KANK1: variants seen among roughly 807,000 people sequenced by gnomAD.
KANK1 encodes KN motif and ankyrin repeat domains 1.
In KANK1, 109 loss-of-function variants were observed where a neutral mutation model predicts 106.2. That is an observed-to-expected ratio of 1.03 (90% CI 0.88 to 1.20). KANK1 has a LOEUF of 1.20. KANK1 is among the 50% of genes most tolerant of loss of function. KANK1 has a pLI of 0.00. For synonymous variants in KANK1, 873 were observed against 652.2 expected, an observed-to-expected ratio of 1.34 and a Z score of -5.16; for missense variants, 2,399 against 1,710.7, an observed-to-expected ratio of 1.40 and a Z score of -7.10.
At chr9:498,013 A>C (rs1313897801) in intron 3 of KANK1, among the ~76,000 whole-genome samples, 3 of 152,104 alleles carry the variant, frequency 2.0e-5, no homozygotes, top group Non-Finnish European at 4.4e-5. Flanking sequence ...CCTTGCTGCC[A>C]TATACCCTCT....
chr9:713,765 C>G (rs1364265557), intron 3 of KANK1, among the ~76,000 whole-genome samples: 2 of 152,096 alleles, frequency 1.3e-5, no homozygotes, highest in East Asian at 3.9e-4. Context: ...ATGCTTTATT[C>G]TTTGTCTTTC....
chr9:608,600 T>G (rs1461341627), intron 1 of KANK1, among the ~76,000 whole-genome samples: 1 of 149,204 alleles, frequency 6.7e-6, no homozygotes, highest in Non-Finnish European at 1.5e-5. Context: ...CTCTAGTCAC[T>G]TCGGGAGGAA....
Position 745,470 on chromosome 9 carries a change from T to C in KANK1, c.*235T>C. ...CACACTTTAACCCAGTCTCTGTTGC[T>C]GTTGAGTCTCTGCTCCGTTTTGTAC... On this transcript the variant is annotated 3_prime_UTR_variant, in exon 12 of 12. Transcript: ENST00000382297. The C allele has an allele frequency of 4.4e-6, 2 of 451,684 alleles. No homozygotes were observed. The highest frequency in any genetic ancestry group is 8.0e-6 in the Non-Finnish European group (2 of 251,378). 28.0% of individuals were successfully genotyped at this position (451,684 alleles called of 1,614,324 possible). A position where few individuals can be genotyped will look rare whatever the true frequency, so the allele number is the denominator to read the frequency against.
chr9:628,941 A>G (rs59757115), intron 1 of KANK1, among the ~76,000 whole-genome samples: 7,858 of 149,758 alleles, frequency 0.052, 617 homozygotes, highest in East Asian at 0.22. Flanking sequence ...TTAGCTGGGC[A>G]TGGTGATGGG....
At chr9:571,933 G>A (rs1819279630) in intron 1 of KANK1, among the ~76,000 whole-genome samples, 1 of 152,148 alleles carries the variant, frequency 6.6e-6, no homozygotes, top group South Asian at 2.1e-4. Context: ...AGTTCACCAG[G>A]TGATAGTATT....
At chr9:637,215 C>T (rs565526179) in intron 1 of KANK1, among the ~76,000 whole-genome samples, 1 of 152,310 alleles carries the variant, frequency 6.6e-6, no homozygotes, top group South Asian at 2.1e-4. Context: ...CTTCTGTTGC[C>T]TTCAAACACT....
intron 1 of KANK1, among the ~76,000 whole-genome samples, chr9:562,615 G>T (rs1385541947): frequency 6.6e-6 from 1 of 152,122 alleles, no homozygotes; most frequent in East Asian, 1.9e-4. Context: ...ACCTGCATAG[G>T]AGATGAATTA....
rs75925770 is a variant in KANK1 at position 743,413 on chromosome 9, C to T, written c.3897+1008C>T. 2.8e-4 allele frequency among the ~76,000 whole-genome samples: 42 copies of T among 152,276 alleles called. 1 individual carries two copies. The East Asian group carries it at 6.9e-3, about 25-fold the overall frequency. On this transcript the variant is annotated intron_variant, in intron 10 of 11. Coordinates refer to ENST00000382297, the MANE Select transcript of KANK1 (RefSeq NM_015158.5). Reference sequence around the variant, plus strand: ...CTCTGTGGGAGGGAGAGCTTCTGACCGACTTCTTTCTTCCAGAAGAGTTTG... The same window carrying T: ...CTCTGTGGGAGGGAGAGCTTCTGACTGACTTCTTTCTTCCAGAAGAGTTTG...
chr9:702,312 A>G (rs1052342057), intron 2 of KANK1, among the ~76,000 whole-genome samples: 7 of 152,184 alleles, frequency 4.6e-5, no homozygotes, highest in African/African-American at 1.4e-4. Flanking sequence ...GCTGGTATAA[A>G]TTCTGGCAAT....
chr9:700,436 G>A (rs1822381206), intron 2 of KANK1, among the ~76,000 whole-genome samples: 1 of 152,156 alleles, frequency 6.6e-6, no homozygotes, highest in South Asian at 2.1e-4. Context: ...TGTCTTCTTA[G>A]AACACTTTCC....
At chr9:641,535 C>G (rs114270454) in intron 1 of KANK1, among the ~76,000 whole-genome samples, 2 of 152,258 alleles carry the variant, frequency 1.3e-5, no homozygotes, top group East Asian at 1.9e-4. Flanking sequence ...TTAGGGAGTT[C>G]TAAGCGTTGG....
chr9:482,143 C>T (rs528142569), intron 3 of KANK1, among the ~76,000 whole-genome samples: 36 of 152,226 alleles, frequency 2.4e-4, no homozygotes, highest in Non-Finnish European at 4.3e-4. Context: ...CTTAGCGCTC[C>T]CCTTGTATTC....
intron 3 of KANK1, among the ~76,000 whole-genome samples, chr9:721,739 T>G (rs376724100): frequency 6.6e-6 from 1 of 152,226 alleles, no homozygotes; most frequent in African/African-American, 2.4e-5. Context: ...GCTAGGACTT[T>G]CACTTCTTGT....
chr9:634,970 T>C (rs1414480563), intron 1 of KANK1, among the ~76,000 whole-genome samples: 2 of 152,206 alleles, frequency 1.3e-5, no homozygotes, highest in African/African-American at 4.8e-5. Flanking sequence ...ACAGGGCATC[T>C]TGTGGCTCTT....
intron 1 of KANK1, among the ~76,000 whole-genome samples, chr9:603,979 A>G (rs1051172234): frequency 7.0e-6 from 1 of 142,814 alleles, no homozygotes; most frequent in Non-Finnish European, 1.6e-5. Context: ...AAAAAAAAGT[A>G]AAATTATTTT....
At chr9:575,645 TG>T (rs1396347579) in intron 1 of KANK1, among the ~76,000 whole-genome samples, 1 of 152,132 alleles carries the variant, frequency 6.6e-6, no homozygotes. Flanking sequence ...CACTCCAGCC[TG>T]GGCAACAGAG....
intron 8 of KANK1, among the ~76,000 whole-genome samples, 183 bp from the exon 9 acceptor site, chr9:740,609 A>G (rs550804659): frequency 7.2e-5 from 11 of 151,906 alleles, no homozygotes; most frequent in Non-Finnish European, 1.0e-4. Context: ...AATAGGGGGA[A>G]AAAAAGTTTT....
chr9:675,169 G>A (rs959860067), intron 1 of KANK1, among the ~76,000 whole-genome samples: 10 of 152,056 alleles, frequency 6.6e-5, no homozygotes, highest in Non-Finnish European at 1.2e-4. Context: ...ATAAAATTAG[G>A]TTTAGGATAG....
intron 1 of KANK1, among the ~76,000 whole-genome samples, chr9:611,361 AC>A (rs1830507886): frequency 6.6e-6 from 1 of 152,196 alleles, no homozygotes; most frequent in Admixed American, 6.5e-5. Flanking sequence ...TTGGATGACT[AC>A]ACTTATCTCC....
Sources: gnomAD v4.1 joint callset for allele counts (sites outside exome capture counted in the v4.1 genomes callset) on GRCh38, gnomAD v4.1.1 for gene constraint, MANE v1.5 for transcripts, NCBI Gene and HGNC (gene_info 2026-07-23, HGNC 2026-07-21) for gene names.